The following TAFA1 variants were observed in gnomAD, a reference collection of about 807,000 sequenced individuals.
The protein encoded by TAFA1 is TAFA chemokine like family member 1, also known as chemokine-like protein TAFA-1.
Under a neutral mutation model 18.5 loss-of-function variants are expected in TAFA1, and 4 were observed. The ratio of observed to expected loss-of-function variants is 0.22; its 90% CI spans 0.11 to 0.49. The LOEUF (loss-of-function observed/expected upper bound fraction) is 0.49. Ranked by LOEUF, TAFA1 falls within the 20% of genes least tolerant of loss-of-function variation. TAFA1 has a pLI of 0.98. For synonymous variants in TAFA1, 56 were observed against 55.2 expected (o/e 1.01, Z -0.06); for missense variants, 147 against 169.0 (o/e 0.87, Z 0.72).
chr3:68,155,795 C>T (rs1291853888), intron 2 of TAFA1, among the ~76,000 whole-genome samples: 2 of 152,114 alleles, frequency 1.3e-5, no homozygotes, highest in Non-Finnish European at 2.9e-5. Context: ...CTCTTCATTT[C>T]TTGTAAACCT....
chr3:68,134,651 G>C (rs933508069), intron 2 of TAFA1, among the ~76,000 whole-genome samples: 2 of 152,100 alleles, frequency 1.3e-5, no homozygotes, highest in African/African-American at 4.8e-5. Flanking sequence ...ACTTTGCTCA[G>C]TGCTTCTTCT....
chr3:68,239,761 G>A (rs980114697), intron 2 of TAFA1, among the ~76,000 whole-genome samples: 4 of 152,162 alleles, frequency 2.6e-5, no homozygotes, highest in Non-Finnish European at 4.4e-5. Flanking sequence ...AGAGCAAACA[G>A]CCAACTGATC....
chr3:68,467,632 A>C (rs1043093373), intron 3 of TAFA1, among the ~76,000 whole-genome samples: 6 of 152,192 alleles, frequency 3.9e-5, no homozygotes, highest in Non-Finnish European at 8.8e-5. Flanking sequence ...AATTACCAAG[A>C]GGAAACATCA....
chr3:68,335,986 T>C (rs777505944), intron 2 of TAFA1, among the ~76,000 whole-genome samples: 3 of 151,218 alleles, frequency 2.0e-5, no homozygotes, highest in Non-Finnish European at 2.9e-5. Context: ...ATATACTGAG[T>C]TGGAAAAGTG....
chr3:68,249,620 C>T (rs1162520553), intron 2 of TAFA1, among the ~76,000 whole-genome samples: 2 of 152,078 alleles, frequency 1.3e-5, no homozygotes, highest in Non-Finnish European at 2.9e-5. Context: ...CACCAATCTA[C>T]CAAATCTGGA....
intron 2 of TAFA1, among the ~76,000 whole-genome samples, chr3:68,277,427 C>T (rs1453176959): frequency 6.6e-6 from 1 of 152,048 alleles, no homozygotes; most frequent in African/African-American, 2.4e-5. Flanking sequence ...TGGTTCTAAG[C>T]TTGCAAAACA....
At chr3:68,011,480 G>C (rs34999500) in intron 2 of TAFA1, among the ~76,000 whole-genome samples, 8 of 151,922 alleles carry the variant, frequency 5.3e-5, no homozygotes, top group African/African-American at 1.9e-4. Flanking sequence ...TTTTAAAGTA[G>C]GATATTTTTG....
Position 68,101,800 on chromosome 3 carries a change from C to G in TAFA1, c.118+95056C>G, listed in dbSNP as rs928818518. Among the ~76,000 whole-genome samples, 4 of 152,188 alleles carry G rather than the reference C, an allele frequency of 2.6e-5. No individual in the cohort carries two copies. The South Asian group carries it at 6.2e-4, about 24-fold the overall frequency. On this transcript the variant is annotated intron_variant, in intron 2 of 4. Transcript: ENST00000478136. ...CATGTCATGGAGTGCTCTCCAAAAACTGGCAAATTCCTCCTATATCCAAGC... is the reference window on the plus strand; with the variant it reads ...CATGTCATGGAGTGCTCTCCAAAAAGTGGCAAATTCCTCCTATATCCAAGC...
chr3:68,542,646 G>A (rs1182955804), intron 4 of TAFA1, among the ~76,000 whole-genome samples: 2 of 152,192 alleles, frequency 1.3e-5, no homozygotes, highest in African/African-American at 2.4e-5. Flanking sequence ...ATGACCTAGA[G>A]GTAGGTCTGT....
chr3:68,051,545 C>T (rs1385537950), intron 2 of TAFA1, among the ~76,000 whole-genome samples: 1 of 152,024 alleles, frequency 6.6e-6, no homozygotes, highest in African/African-American at 2.4e-5. Context: ...TCTAAAAATC[C>T]TTTAATACAG....
At chr3:68,450,805 C>T (rs2071556416) in intron 3 of TAFA1, among the ~76,000 whole-genome samples, 1 of 152,088 alleles carries the variant, frequency 6.6e-6, no homozygotes, top group Non-Finnish European at 1.5e-5. Context: ...GTAATGTAGT[C>T]ATGTCTGTAG....
chr3:68,486,122 A>G (rs982397209), intron 3 of TAFA1, among the ~76,000 whole-genome samples: 77 of 143,972 alleles, frequency 5.3e-4, no homozygotes, highest in Admixed American at 3.4e-3. Context: ...ATTTTATTTT[A>G]TTTTATTTTA....
intron 4 of TAFA1, among the ~76,000 whole-genome samples, chr3:68,540,951 A>G (rs2073362862): frequency 6.6e-6 from 1 of 152,224 alleles, no homozygotes; most frequent in African/African-American, 2.4e-5. Context: ...ATCTGATCAC[A>G]GTACCAGAGA....
intron 2 of TAFA1, among the ~76,000 whole-genome samples, chr3:68,389,094 C>G (rs985078624): frequency 6.6e-6 from 1 of 152,144 alleles, no homozygotes; most frequent in African/African-American, 2.4e-5. Flanking sequence ...AAGGAGAGTT[C>G]TGTATTTTTG....
In TAFA1 at chr3:68,521,708, G is replaced by C. The variant is rs200750271; in HGVS notation, c.260-17048G>C. On this transcript the variant is annotated intron_variant, in intron 3 of 4. Coordinates refer to ENST00000478136, the MANE Select transcript of TAFA1 (RefSeq NM_213609.4). Reference sequence around the variant, plus strand: ...TTTTCTTGTATTTGAGAAAGTCAGTGGTAAACTAAATCAAGTAACAATGAC... The same window carrying C: ...TTTTCTTGTATTTGAGAAAGTCAGTCGTAAACTAAATCAAGTAACAATGAC... 1.1e-4 allele frequency among the ~76,000 whole-genome samples: 17 copies of C among 151,782 alleles called. No homozygotes were observed. The East Asian group carries it at 3.3e-3, about 29-fold the overall frequency.
At chr3:68,381,315 T>C (rs1397467716) in intron 2 of TAFA1, among the ~76,000 whole-genome samples, 2 of 151,298 alleles carry the variant, frequency 1.3e-5, no homozygotes, top group Non-Finnish European at 3.0e-5. Context: ...AGAAAGTCAT[T>C]GGTAGCTTGA....
intron 2 of TAFA1, among the ~76,000 whole-genome samples, chr3:68,120,034 T>C (rs1352650856): frequency 6.6e-6 from 1 of 152,198 alleles, no homozygotes; most frequent in Admixed American, 6.5e-5. Flanking sequence ...TATGAAATCC[T>C]TAAAAGTCAG....
intron 2 of TAFA1, among the ~76,000 whole-genome samples, chr3:68,070,135 G>C (rs1028271652): frequency 2.0e-5 from 3 of 152,194 alleles, no homozygotes; most frequent in African/African-American, 7.2e-5. Flanking sequence ...CTTCCACACT[G>C]CATTAGCAGA....
intron 2 of TAFA1, among the ~76,000 whole-genome samples, chr3:68,147,388 C>A (rs73834855): frequency 0.045 from 6,877 of 152,042 alleles, 184 homozygotes; most frequent in East Asian, 0.09. Flanking sequence ...AAAAAGGCTG[C>A]AAAATATCCC....
Sources: gnomAD v4.1 joint callset for allele counts (sites outside exome capture counted in the v4.1 genomes callset) on GRCh38, gnomAD v4.1.1 for gene constraint, MANE v1.5 for transcripts, NCBI Gene and HGNC (gene_info 2026-07-23, HGNC 2026-07-21) for gene names.